SAMD12: variants seen among roughly 807,000 people sequenced by gnomAD.
The protein encoded by SAMD12 is sterile alpha motif domain containing 12, also known as sterile alpha motif domain-containing protein 12.
Under a neutral mutation model 15.0 loss-of-function variants are expected in SAMD12, and 9 were observed. The observed-to-expected ratio is 0.60, with a 90% CI of 0.36 to 1.05. The LOEUF is 1.05. Among genes scored for constraint, SAMD12 ranks in the 50% least tolerant of loss-of-function variants. SAMD12 has a pLI of 0.01. For synonymous variants in SAMD12, 86 were observed against 90.1 expected (o/e 0.96, Z 0.25); for missense variants, 230 against 234.2 (o/e 0.98, Z 0.12).
intron 4 of SAMD12, among the ~76,000 whole-genome samples, chr8:118,219,213 T>C: frequency 6.6e-6 from 1 of 152,206 alleles, no homozygotes; most frequent in Non-Finnish European, 1.5e-5. Flanking sequence ...GCTATTTTAT[T>C]ATATACTCGA....
chr8:118,473,122 G>A (rs1305362888), intron 2 of SAMD12, among the ~76,000 whole-genome samples: 1 of 152,116 alleles, frequency 6.6e-6, no homozygotes, highest in Non-Finnish European at 1.5e-5. Flanking sequence ...CTCCCTGCCT[G>A]CTTCAAAGCA....
At chr8:118,483,598 T>C (rs755348925) in intron 2 of SAMD12, among the ~76,000 whole-genome samples, 2 of 152,210 alleles carry the variant, frequency 1.3e-5, no homozygotes, top group Non-Finnish European at 2.9e-5. Flanking sequence ...AGTATTACAA[T>C]GCATATATAG....
At chr8:118,415,392 C>T (rs1312989488) in intron 3 of SAMD12, among the ~76,000 whole-genome samples, 1 of 151,524 alleles carries the variant, frequency 6.6e-6, no homozygotes, top group Non-Finnish European at 1.5e-5. Flanking sequence ...TTACCTCCTT[C>T]AACCAACTGG....
intron 2 of SAMD12, among the ~76,000 whole-genome samples, chr8:118,472,886 G>GT (rs1554670169): frequency 3.4e-5 from 5 of 147,236 alleles, no homozygotes; most frequent in Non-Finnish European, 7.5e-5. Flanking sequence ...ATTTTGACAG[G>GT]AAAAAAAAAA....
rs1489683973 is a variant in SAMD12 at position 118,500,373 on chromosome 8, C to T, written c.193-60412G>A. Among the ~76,000 whole-genome samples, 6 of 151,786 alleles carry T rather than the reference C, an allele frequency of 4.0e-5. No individual in the cohort carries two copies. In the East Asian group the frequency reaches 5.9e-4, roughly 15 times the overall value. ...GATTATAGGCGTGAGCCACTGCGCC[C>T]GGCATGCACTTGTTCTTGAATCTCC... On this transcript the variant is annotated intron_variant, in intron 2 of 3. Transcript: ENST00000314727.
intron 4 of SAMD12, among the ~76,000 whole-genome samples, chr8:118,265,380 G>T (rs75891825): frequency 0.044 from 6,639 of 152,156 alleles, 483 homozygotes; most frequent in African/African-American, 0.15. Flanking sequence ...ACTGTTGAGG[G>T]TGATTTTTTT....
At chr8:118,490,116 C>T (rs1824401690) in intron 2 of SAMD12, among the ~76,000 whole-genome samples, 1 of 152,130 alleles carries the variant, frequency 6.6e-6, no homozygotes, top group Non-Finnish European at 1.5e-5. Context: ...AAATAAGAGT[C>T]TGCTATTGTT....
the SAMD12 span, among the ~76,000 whole-genome samples, chr8:118,160,833 G>A: frequency 1.3e-5 from 2 of 151,998 alleles, no homozygotes; most frequent in Non-Finnish European, 2.9e-5. Flanking sequence ...GGGTACATGT[G>A]CACAACGTGC....
intron 2 of SAMD12, among the ~76,000 whole-genome samples, chr8:118,506,119 C>T (rs191171266): frequency 1.3e-5 from 2 of 152,316 alleles, no homozygotes; most frequent in African/African-American, 2.4e-5. Flanking sequence ...TCCCTATACA[C>T]TAGCAGTATG....
chr8:118,167,411 T>C, the SAMD12 span, among the ~76,000 whole-genome samples: 6 of 152,134 alleles, frequency 3.9e-5, no homozygotes, highest in African/African-American at 1.4e-4. Context: ...CTGATGAACA[T>C]GGAACCTTCA....
At chr8:118,614,113 C>T (rs1195408391) in intron 1 of SAMD12, among the ~76,000 whole-genome samples, 2 of 152,132 alleles carry the variant, frequency 1.3e-5, no homozygotes, top group East Asian at 1.9e-4. Context: ...ACTGTAATAT[C>T]ATGGGGCTAT....
rs936095194 is a variant in SAMD12, at chr8:118,604,330, G to T, written c.13+17474C>A. Among the ~76,000 whole-genome samples, 97 of 152,254 alleles carry T rather than the reference G, an allele frequency of 6.4e-4. 1 individual carries two copies. The highest frequency in any genetic ancestry group is 2.2e-3 in the African/African-American group (91 of 41,550). On this transcript the variant is annotated intron_variant, in intron 1 of 3. Transcript: ENST00000314727. ...TTTATATATAACGTTTGTATATAAA[G>T]TATTTGTATATAAGATGTTTTATTG...
At chr8:118,247,611 GAGATGGAGT>G (rs1185582326) in intron 4 of SAMD12, among the ~76,000 whole-genome samples, 3 of 150,094 alleles carry the variant, frequency 2.0e-5, no homozygotes, top group Non-Finnish European at 4.4e-5. Context: ...TTATTTTTTT[GAGATGGAGT>G]CTCACTCTGT....
At chr8:118,330,273 T>A (rs1586541054) in intron 4 of SAMD12, among the ~76,000 whole-genome samples, 1 of 152,314 alleles carries the variant, frequency 6.6e-6, no homozygotes, top group South Asian at 2.1e-4. Context: ...AGTTCCTGGA[T>A]ATGTAGAAAA....
chr8:118,367,810 C>T (rs1275927774), intron 4 of SAMD12, among the ~76,000 whole-genome samples: 2 of 152,094 alleles, frequency 1.3e-5, no homozygotes, highest in Non-Finnish European at 2.9e-5. Context: ...ACATGTCTCC[C>T]ATATGCTGGC....
the SAMD12 span, among the ~76,000 whole-genome samples, chr8:118,135,755 C>T: frequency 6.6e-6 from 1 of 152,038 alleles, no homozygotes; most frequent in African/African-American, 2.4e-5. Flanking sequence ...GTTGCCCAGG[C>T]TGGTCTCCAA....
chr8:118,281,618 C>G (rs566860965), intron 4 of SAMD12, among the ~76,000 whole-genome samples: 1 of 152,300 alleles, frequency 6.6e-6, no homozygotes, highest in Admixed American at 6.5e-5. Flanking sequence ...CCAGTTTTCC[C>G]TTTAAATTGC....
rs566727117 is a variant in SAMD12, at chr8:118,548,827, T to C, written c.192+31888A>G. On this transcript the variant is annotated intron_variant, in intron 2 of 3. Coordinates refer to ENST00000314727, the MANE Select transcript of SAMD12 (RefSeq NM_207506.3). ...GAAAATCGGGTCACTCCCACCCACA[T>C]ACTGTGCTTTTCCGACAGACTTAAA... is the stretch of plus-strand genomic sequence containing the variant. 6.6e-5 allele frequency among the ~76,000 whole-genome samples: 10 copies of C among 152,336 alleles called. No individual in the cohort carries two copies. The South Asian group carries it at 1.7e-3, about 25-fold the overall frequency.
intron 2 of SAMD12, among the ~76,000 whole-genome samples, chr8:118,515,359 C>T (rs1008009875): frequency 1.3e-5 from 2 of 151,982 alleles, no homozygotes; most frequent in Non-Finnish European, 1.5e-5. Flanking sequence ...ACGTAAGATG[C>T]GTCTGCTTCC....
Sources: gnomAD v4.1 joint callset for allele counts (sites outside exome capture counted in the v4.1 genomes callset) on GRCh38, gnomAD v4.1.1 for gene constraint, MANE v1.5 for transcripts, NCBI Gene and HGNC (gene_info 2026-07-23, HGNC 2026-07-21) for gene names.